The following ARHGAP22 variants were observed in gnomAD, a reference collection of about 807,000 sequenced individuals.
The protein encoded by ARHGAP22 is rho GTPase-activating protein 22.
Under a neutral mutation model 59.1 loss-of-function variants are expected in ARHGAP22, and 48 were observed. The ratio of observed to expected loss-of-function variants is 0.81; its 90% CI spans 0.64 to 1.03. The LOEUF is 1.03. Ranked by LOEUF, ARHGAP22 falls within the 50% of genes least tolerant of loss-of-function variation. ARHGAP22 has a pLI of 0.00. For synonymous variants in ARHGAP22, 445 were observed against 416.4 expected (o/e 1.07, Z -0.84); for missense variants, 1,015 against 958.7 (o/e 1.06, Z -0.78).
intron 3 of ARHGAP22, among the ~76,000 whole-genome samples, chr10:48,545,919 A>G (rs994001194): frequency 6.6e-6 from 1 of 152,218 alleles, no homozygotes; most frequent in African/African-American, 2.4e-5. Flanking sequence ...GTCGGAGGTC[A>G]CTGGGCCAGC....
intron 2 of ARHGAP22, among the ~76,000 whole-genome samples, chr10:48,558,693 T>C (rs1337694303): frequency 6.6e-6 from 1 of 152,124 alleles, no homozygotes; most frequent in Non-Finnish European, 1.5e-5. Context: ...AATGTAAGTG[T>C]TCAATCAGAA....
intron 3 of ARHGAP22, among the ~76,000 whole-genome samples, chr10:48,545,337 GGA>G (rs1189533533): frequency 1.3e-5 from 2 of 152,238 alleles, no homozygotes; most frequent in African/African-American, 4.8e-5. Context: ...GGAGCCTGCA[GGA>G]GTTTCCCACA....
chr10:48,609,763 G>T (rs2060809769), upstream of ARHGAP22, among the ~76,000 whole-genome samples: 1 of 152,064 alleles, frequency 6.6e-6, no homozygotes, highest in African/African-American at 2.4e-5. Flanking sequence ...CATGCCCAAG[G>T]CCACGGGGAC....
upstream of ARHGAP22, among the ~76,000 whole-genome samples, chr10:48,653,077 C>T (rs576087831): frequency 2.0e-5 from 3 of 152,292 alleles, no homozygotes; most frequent in Admixed American, 6.5e-5. Flanking sequence ...GGCTCCAAGG[C>T]GGTGGATACA....
chr10:48,579,400 A>G (rs1425019766), intron 2 of ARHGAP22, among the ~76,000 whole-genome samples: 4 of 152,222 alleles, frequency 2.6e-5, no homozygotes, highest in Non-Finnish European at 4.4e-5. Context: ...GGAAGCCTCT[A>G]CTTGTGAAAC....
In ARHGAP22 at chr10:48,450,853, G is replaced by A. The variant is rs1057403268; in HGVS notation, c.1276C>T (p.Pro426Ser). 7.5e-6 allele frequency: 12 copies of A among 1,590,344 alleles called. No homozygotes were observed. Among genetic ancestry groups the A allele is most frequent in the Non-Finnish European group, 1.0e-5 (12 of 1,168,972 alleles). ...CSPGKKVQTLPSWKSSFRQPR... is the reference protein window; with the variant it reads ...CSPGKKVQTLSSWKSSFRQPR... Reference sequence around the variant, plus strand: ...TGCCGGAAGGAGGACTTCCAACTGGGCAGGGTCTGCACCTTCTTCCCAGGG... The same window carrying A: ...TGCCGGAAGGAGGACTTCCAACTGGACAGGGTCTGCACCTTCTTCCCAGGG... The change falls in exon 9 of 10, where the codon CCC becomes TCC. Residue 426 changes from proline (P) to serine (S), a missense_variant. Pro to Ser is a moderately conservative substitution (Grantham distance 74). Coordinates refer to ENST00000249601, the MANE Select transcript of ARHGAP22 (RefSeq NM_021226.4).
chr10:48,479,784 A>G lies in ARHGAP22; in HGVS notation c.323-20T>C. 6.4e-7 allele frequency: 1 copy of G among 1,552,454 alleles called. No individual in the cohort carries two copies. The highest frequency in any genetic ancestry group is 8.7e-7 in the Non-Finnish European group (1 of 1,147,098). ...CACCACCTGCAAGACAGGGAGACAC[A>G]GGCTTACGCAGGGTCCCTGCCCGCA... On this transcript the variant is annotated intron_variant, in intron 3 of 9. Transcript: ENST00000249601.
intron 2 of ARHGAP22, among the ~76,000 whole-genome samples, chr10:48,574,196 G>T (rs2058568692): frequency 6.6e-6 from 1 of 152,030 alleles, no homozygotes; most frequent in Non-Finnish European, 1.5e-5. Context: ...ACAAATATGG[G>T]TCACACTATG....
At chr10:48,496,535 T>A (rs2050950888) in intron 3 of ARHGAP22, among the ~76,000 whole-genome samples, 1 of 152,130 alleles carries the variant, frequency 6.6e-6, no homozygotes, top group African/African-American at 2.4e-5. Context: ...GAGCAAGAAT[T>A]CCCAGCCCAG....
chr10:48,593,878 T>G (rs1434347608), intron 1 of ARHGAP22, among the ~76,000 whole-genome samples: 1 of 152,202 alleles, frequency 6.6e-6, no homozygotes, highest in Non-Finnish European at 1.5e-5. Flanking sequence ...TTGTACACAG[T>G]TAGGTCTGGA....
At position 48,446,352 on chromosome 10, in the gene ARHGAP22, C is replaced by A. The variant is rs781482951; in HGVS notation, c.*39G>T. On this transcript the variant is annotated 3_prime_UTR_variant, in exon 10 of 10. Transcript: ENST00000249601. ...TTCTAACTCCATACAAGGCTGGAGACCAGCAGACGTGGTACAGAAGTGAGC... is the reference window on the plus strand; with the variant it reads ...TTCTAACTCCATACAAGGCTGGAGAACAGCAGACGTGGTACAGAAGTGAGC... The A allele has an allele frequency of 3.1e-6, 5 of 1,606,762 alleles. No homozygotes were observed. The highest frequency in any genetic ancestry group is 3.4e-6 in the Non-Finnish European group (4 of 1,174,458).
intron 1 of ARHGAP22, among the ~76,000 whole-genome samples, chr10:48,591,192 C>G (rs368026896): frequency 6.6e-6 from 1 of 152,106 alleles, no homozygotes; most frequent in Non-Finnish European, 1.5e-5. Context: ...ACTGCGAGCC[C>G]GCAGACTCAA....
At chr10:48,645,892 A>C (rs1219549705) in intron 1 of ARHGAP22, among the ~76,000 whole-genome samples, 1 of 152,188 alleles carries the variant, frequency 6.6e-6, no homozygotes, top group Non-Finnish European at 1.5e-5. Context: ...GCCAGATTGG[A>C]AAGGAAGAAG....
intron 4 of ARHGAP22, among the ~76,000 whole-genome samples, chr10:48,464,249 A>G (rs924686359): frequency 5.3e-5 from 8 of 151,972 alleles, no homozygotes; most frequent in Non-Finnish European, 7.4e-5. Flanking sequence ...GCCCTGCCCT[A>G]CTCCCTCCAC....
At chr10:48,451,648 C>A (rs115507432) in intron 8 of ARHGAP22, 65,487 of 654,234 alleles carry the variant, frequency 0.1, 3,412 homozygotes, top group South Asian at 0.11. Context: ...ACACAATGCA[C>A]CCCGCCCACC....
At chr10:48,589,560 TCTC>T (rs1479892405) in intron 1 of ARHGAP22, among the ~76,000 whole-genome samples, 6 of 152,092 alleles carry the variant, frequency 3.9e-5, no homozygotes, top group East Asian at 1.9e-4. Flanking sequence ...CCAACCCACT[TCTC>T]CTCCCCATTC....
chr10:48,635,503 C>G (rs1362214336), intron 1 of ARHGAP22, among the ~76,000 whole-genome samples: 2 of 152,200 alleles, frequency 1.3e-5, no homozygotes, highest in Admixed American at 1.3e-4. Context: ...GCCACAGGGA[C>G]CCTAAGCCCT....
At chr10:48,451,572 C>CATAG in intron 8 of ARHGAP22, 1 of 702,344 alleles carries the variant, frequency 1.4e-6, no homozygotes, top group Non-Finnish European at 2.6e-6. Context: ...ACTCTGGGAG[C>CATAG]ATAGGGCTCT....
rs190516053 is a variant in ARHGAP22, at chr10:48,619,324, A to C, written c.52+32910T>G. 3.7e-3 allele frequency among the ~76,000 whole-genome samples: 569 copies of C among 152,324 alleles called. 4 individuals are homozygous for C. Among genetic ancestry groups the C allele is most frequent in the Non-Finnish European group, 6.6e-3 (449 of 67,994 alleles). The stretch of plus-strand genomic sequence containing the variant: ...CTGTAAAATACCAATGACATTCTTC[A>C]TAGAAATGGAAAAAATGAGCCCAAA... On this transcript the variant is annotated intron_variant, in intron 1 of 9. Transcript: ENST00000435790.
Sources: allele counts gnomAD v4.1 joint callset (sites outside exome capture counted in the v4.1 genomes callset), GRCh38; gene constraint gnomAD v4.1.1; transcripts MANE v1.5; gene names NCBI Gene and HGNC (gene_info 2026-07-23, HGNC 2026-07-21).